The following EPHA4 variants were observed in gnomAD, a reference collection of about 807,000 sequenced individuals.
The protein encoded by EPHA4 is ephrin type-A receptor 4.
In EPHA4, 19 loss-of-function variants were observed where a neutral mutation model predicts 108.3. The ratio of observed to expected loss-of-function variants is 0.18; its 90% confidence interval spans 0.12 to 0.26. The LOEUF (loss-of-function observed/expected upper bound fraction) is 0.26. EPHA4 is among the 10% of genes least tolerant of loss of function. The pLI, the probability that EPHA4 is intolerant of heterozygous loss-of-function variation, is 1.00. For synonymous variants in EPHA4, 449 were observed against 455.5 expected, an observed-to-expected ratio of 0.99 and a Z score of 0.18; for missense variants, 917 against 1,254.0, an observed-to-expected ratio of 0.73 and a Z score of 4.06.
At chr2:221,536,301 C>A (rs1305069889) in intron 3 of EPHA4, among the ~76,000 whole-genome samples, 1 of 152,106 alleles carries the variant, frequency 6.6e-6, no homozygotes, top group Non-Finnish European at 1.5e-5. Flanking sequence ...AGTCTCCCAC[C>A]CTCTTGTATT....
At chr2:221,556,025 G>A (rs566303947) in intron 3 of EPHA4, among the ~76,000 whole-genome samples, 157 of 152,274 alleles carry the variant, frequency 1.0e-3, no homozygotes, top group African/African-American at 3.5e-3. Flanking sequence ...TGATGGACTA[G>A]GTGCAGTAGT....
chr2:221,536,601 C>T (rs1445279581), intron 3 of EPHA4, among the ~76,000 whole-genome samples: 4 of 152,234 alleles, frequency 2.6e-5, no homozygotes, highest in Non-Finnish European at 1.5e-5. Context: ...TTCAGAAAAT[C>T]CCTCTAAACA....
intron 11 of EPHA4, among the ~76,000 whole-genome samples, chr2:221,442,587 C>A (rs552083908): frequency 6.6e-6 from 1 of 152,204 alleles, no homozygotes; most frequent in South Asian, 2.1e-4. Flanking sequence ...GCATGGCATA[C>A]CACAAATCTG....
chr2:221,522,539 C>T (rs1295904963), intron 3 of EPHA4, among the ~76,000 whole-genome samples: 3 of 152,298 alleles, frequency 2.0e-5, no homozygotes, highest in Admixed American at 6.5e-5. Context: ...CTAAGTGAAA[C>T]TGGTGTCTCT....
chr2:221,460,946 G>A (rs960684868), intron 5 of EPHA4, among the ~76,000 whole-genome samples: 1 of 152,172 alleles, frequency 6.6e-6, no homozygotes, highest in Non-Finnish European at 1.5e-5. Flanking sequence ...TTCAACAGTT[G>A]TATTTGAAAG....
chr2:221,467,277 A>G (rs1437660895), intron 5 of EPHA4, among the ~76,000 whole-genome samples: 1 of 152,204 alleles, frequency 6.6e-6, no homozygotes, highest in East Asian at 1.9e-4. Context: ...ATAGGTGTTT[A>G]CTTTGCTATA....
chr2:221,441,253 G>A (rs149474281), intron 11 of EPHA4, among the ~76,000 whole-genome samples: 13 of 146,530 alleles, frequency 8.9e-5, no homozygotes, highest in Non-Finnish European at 1.8e-4. Flanking sequence ...TAGAGTCCAG[G>A]TGCCTCTGTC....
chr2:221,467,852 C>A (rs757420581), intron 5 of EPHA4, among the ~76,000 whole-genome samples: 8 of 152,154 alleles, frequency 5.3e-5, no homozygotes, highest in Non-Finnish European at 1.2e-4. Context: ...CACTTGCCAA[C>A]AGAAACATGG....
chr2:221,546,131 A>T (rs1693989749), intron 3 of EPHA4, among the ~76,000 whole-genome samples: 1 of 152,196 alleles, frequency 6.6e-6, no homozygotes, highest in Non-Finnish European at 1.5e-5. Flanking sequence ...AGACCTCAGA[A>T]TGTACTGGCA....
rs537339594 is a variant in EPHA4, at chr2:221,494,538, T to C, written c.979+6479A>G. Reference sequence around the variant, plus strand: ...AGGAGAATTGTTTTAACTCGGGAGGTGGCAGTTACAGTGAGCTGAGATAGC... The same window carrying C: ...AGGAGAATTGTTTTAACTCGGGAGGCGGCAGTTACAGTGAGCTGAGATAGC... On this transcript the variant is annotated intron_variant, in intron 4 of 17. Coordinates refer to ENST00000281821, the MANE Select transcript of EPHA4 (RefSeq NM_004438.5). Among the ~76,000 whole-genome samples, 4 of 152,156 alleles carry C rather than the reference T, an allele frequency of 2.6e-5. No homozygotes were observed. The East Asian group carries it at 7.7e-4, about 29-fold the overall frequency.
intron 8 of EPHA4, among the ~76,000 whole-genome samples, chr2:221,448,085 G>T (rs546208800): frequency 1.3e-5 from 2 of 151,828 alleles, no homozygotes; most frequent in Non-Finnish European, 2.9e-5. Context: ...CAAGTAATCC[G>T]CCCACATAGG....
At chr2:221,490,647 T>C (rs1235788163) in intron 4 of EPHA4, among the ~76,000 whole-genome samples, 2 of 152,196 alleles carry the variant, frequency 1.3e-5, no homozygotes, top group African/African-American at 4.8e-5. Flanking sequence ...GGACTGTCAA[T>C]AGCACTTCAG....
Position 221,432,317 on chromosome 2 carries a change from A to C in EPHA4, c.2496+1825T>G, listed in dbSNP as rs147344158. Among the ~76,000 whole-genome samples the C allele has an allele frequency of 2.1e-3, 317 of 152,326 alleles. 1 individual carries two copies. The highest frequency in any genetic ancestry group is 7.2e-3 in the African/African-American group (300 of 41,598). Reference sequence around the variant, plus strand: ...TCGAATAATTACAGTAACTACATTTACTATTTGCTCATTTAGGTTTTTTGT... The same window carrying C: ...TCGAATAATTACAGTAACTACATTTCCTATTTGCTCATTTAGGTTTTTTGT... On this transcript the variant is annotated intron_variant, in intron 14 of 17. Coordinates refer to ENST00000281821, the MANE Select transcript of EPHA4 (RefSeq NM_004438.5).
At position 221,566,930 on chromosome 2, in the gene EPHA4, AG is replaced by A. The variant is rs1276510326; in HGVS notation, c.159+1787del. Among the ~76,000 whole-genome samples, 461 of 61,732 alleles carry A rather than the reference AG, an allele frequency of 7.5e-3. 128 individuals are homozygous for A. The highest frequency in any genetic ancestry group is 0.02 in the African/African-American group (214 of 10,564). 40.5% of individuals were successfully genotyped at this position (61,732 alleles called of 152,430 possible). On this transcript the variant is annotated intron_variant, in intron 2 of 17. Transcript: ENST00000281821. ...AAGGAGAAGGAGAAGGAGAAGGAGA[AG>A]GAGAAGGAGAAGGAGAAGGAGAAGG...
intron 3 of EPHA4, among the ~76,000 whole-genome samples, chr2:221,561,461 C>A (rs1446601922): frequency 6.6e-6 from 1 of 151,974 alleles, no homozygotes; most frequent in African/African-American, 2.4e-5. Context: ...AAAACAAAAA[C>A]AAACTTGGTT....
At chr2:221,530,930 T>A (rs566671415) in intron 3 of EPHA4, among the ~76,000 whole-genome samples, 72 of 152,224 alleles carry the variant, frequency 4.7e-4, no homozygotes, top group Non-Finnish European at 8.7e-4. Context: ...CCTTCAAATA[T>A]TAGCTCTAAG....
intron 4 of EPHA4, among the ~76,000 whole-genome samples, chr2:221,500,183 CAGACTGAAG>C (rs1241734623): frequency 6.6e-6 from 1 of 152,298 alleles, no homozygotes; most frequent in Middle Eastern, 3.4e-3. Flanking sequence ...GGTGAGGAAA[CAGACTGAAG>C]AGACTCAACA....
At chr2:221,560,347 T>G (rs1360070026) in intron 3 of EPHA4, among the ~76,000 whole-genome samples, 1 of 152,182 alleles carries the variant, frequency 6.6e-6, no homozygotes, top group Non-Finnish European at 1.5e-5. Context: ...AAGCTTTCTT[T>G]ACACCCTCTT....
intron 3 of EPHA4, among the ~76,000 whole-genome samples, chr2:221,554,039 T>A (rs1042189412): frequency 6.6e-6 from 1 of 152,188 alleles, no homozygotes; most frequent in Non-Finnish European, 1.5e-5. Flanking sequence ...TGTAACTTAT[T>A]AAGAAGAGGT....
Sources: gnomAD v4.1 joint callset for allele counts (sites outside exome capture counted in the v4.1 genomes callset) on GRCh38, gnomAD v4.1.1 for gene constraint, MANE v1.5 for transcripts, NCBI Gene and HGNC (gene_info 2026-07-23, HGNC 2026-07-21) for gene names.